The following BEST3 variants were observed in gnomAD, a reference collection of about 807,000 sequenced individuals.
The protein encoded by BEST3 is bestrophin-3.
BEST3 carries 50 observed loss-of-function variants against 47.1 expected under a neutral mutation model. That is an observed-to-expected ratio of 1.06 (90% CI 0.85 to 1.34). BEST3 has a LOEUF of 1.34. Among genes scored for constraint, BEST3 ranks in the 40% most tolerant of loss-of-function variants. The pLI, the probability that BEST3 is intolerant of heterozygous loss-of-function variation, is 0.00. For synonymous variants in BEST3, 282 were observed against 298.8 expected (o/e 0.94, Z 0.58); for missense variants, 765 against 817.0 (o/e 0.94, Z 0.78).
At chr12:69,664,151 G>C (rs1052672583) in intron 9 of BEST3, among the ~76,000 whole-genome samples, 2 of 152,148 alleles carry the variant, frequency 1.3e-5, no homozygotes, top group Non-Finnish European at 2.9e-5. Flanking sequence ...TTTTGAAGCT[G>C]ATTTTTAACA....
In BEST3 at chr12:69,655,390, G is replaced by T. The variant is rs752703473; in HGVS notation, c.1524C>A (p.Ala508=). 1.2e-6 allele frequency: 2 copies of T among 1,613,988 alleles called. No individual in the cohort carries two copies. Among genetic ancestry groups the T allele is most frequent in the African/African-American group, 1.3e-5 (1 of 74,892 alleles). ...CCCCTGATGTGGGCACTGGTGCTTC[G>T]GCTGCTGTGATCAATACCTCAGGTA... is the stretch of plus-strand genomic sequence containing the variant. ...PLVPEVLITA[A]EAPVPTSGGY... is the part of the protein sequence containing the mutation. The change falls in exon 10 of 10, where the codon GCC becomes GCA. Residue 508 remains alanine, a synonymous_variant. Transcript: ENST00000330891.
At chr12:69,690,444 A>G (rs1885875133) in intron 4 of BEST3, among the ~76,000 whole-genome samples, 1 of 152,186 alleles carries the variant, frequency 6.6e-6, no homozygotes, top group African/African-American at 2.4e-5. Flanking sequence ...CCCTATATCT[A>G]CTTGCCCCTC....
intron 4 of BEST3, among the ~76,000 whole-genome samples, chr12:69,686,779 C>CAAAAAAAAAAAAAAAAAAA (rs71094728): frequency 2.0e-5 from 2 of 99,378 alleles, no homozygotes; most frequent in African/African-American, 4.9e-5. Flanking sequence ...CTCAAAAAAA[C>CAAAAAAAAAAAAAAAAAAA]AAAAAAAAAA....
downstream of BEST3, among the ~76,000 whole-genome samples, chr12:69,650,186 AAG>A (rs754362382): frequency 5.3e-5 from 8 of 152,192 alleles, no homozygotes; most frequent in Non-Finnish European, 1.0e-4. Context: ...GGAGGTGATG[AAG>A]AGAGAGAGTT....
At chr12:69,670,658 C>A (rs1389571155) in intron 9 of BEST3, 2 of 656,878 alleles carry the variant, frequency 3.0e-6, no homozygotes, top group Non-Finnish European at 5.6e-6. Context: ...AGGACACAAA[C>A]CCACTGCACA....
At chr12:69,698,295 G>A (rs772296171) in intron 1 of BEST3, among the ~76,000 whole-genome samples, 8 of 152,170 alleles carry the variant, frequency 5.3e-5, no homozygotes, top group Admixed American at 1.3e-4. Flanking sequence ...ATGACAAGTT[G>A]TACATAAATG....
Position 69,654,405 on chromosome 12 carries a change from G to T in BEST3, c.*502C>A, listed in dbSNP as rs4367985. 366,192 of 985,158 alleles carry T rather than the reference G, an allele frequency of 0.37. 70,201 individuals carry two copies. Among genetic ancestry groups the T allele is most frequent in the South Asian group, 0.56 (11,891 of 21,276 alleles). The allele number at this position is 985,158 out of a possible 1,614,324, so 61.0% of individuals were successfully genotyped here. Reference sequence around the variant, plus strand: ...ATAGTTATAAAAGTAGGAATGAGATGGTTAGAAAGCCTCAAACAAAAACGT... The same window carrying T: ...ATAGTTATAAAAGTAGGAATGAGATTGTTAGAAAGCCTCAAACAAAAACGT... On this transcript the variant is annotated 3_prime_UTR_variant, in exon 10 of 10. Transcript: ENST00000330891.
chr12:69,694,336 A>G (rs761005655), intron 3 of BEST3, 34 bp downstream of exon 3: 26 of 1,347,480 alleles, frequency 1.9e-5, no homozygotes, highest in Non-Finnish European at 1.7e-5. Flanking sequence ...GGAGACAGCT[A>G]TGTGGCTGCA....
intron 4 of BEST3, among the ~76,000 whole-genome samples, chr12:69,690,308 C>T (rs1885867365): frequency 6.6e-6 from 1 of 152,086 alleles, no homozygotes; most frequent in South Asian, 2.1e-4. Context: ...CCACATGCCT[C>T]GGAAAGGGAA....
At chr12:69,647,966 G>T (rs955847400) in intron 9 of BEST3, among the ~76,000 whole-genome samples, 5 of 152,220 alleles carry the variant, frequency 3.3e-5, no homozygotes, top group African/African-American at 1.2e-4. Context: ...ATTTTCAGAA[G>T]AAGAGTCCTA....
chr12:69,688,049 A>C (rs1473734759), intron 4 of BEST3, among the ~76,000 whole-genome samples: 1 of 152,190 alleles, frequency 6.6e-6, no homozygotes, highest in Non-Finnish European at 1.5e-5. Context: ...TTTAAGAGGA[A>C]TGTATATAAT....
At chr12:69,695,875 A>T (rs549929977) in intron 2 of BEST3, among the ~76,000 whole-genome samples, 2 of 152,296 alleles carry the variant, frequency 1.3e-5, no homozygotes, top group African/African-American at 4.8e-5. Flanking sequence ...AATGGTTCAT[A>T]TTAATAGTTG....
At chr12:69,686,185 G>GAAA (rs372482477) in intron 4 of BEST3, among the ~76,000 whole-genome samples, 15,255 of 117,530 alleles carry the variant, frequency 0.13, 1,222 homozygotes, top group Non-Finnish European at 0.19. Context: ...AATGGATCAG[G>GAAA]AAAAAAAAAA....
At chr12:69,680,366 T>G (rs1885183285) in intron 4 of BEST3, among the ~76,000 whole-genome samples, 1 of 138,184 alleles carries the variant, frequency 7.2e-6, no homozygotes, top group Admixed American at 7.6e-5. Flanking sequence ...TGGAGTGCAG[T>G]GGCGCGATCT....
chr12:69,679,907 A>G (rs368025035), intron 4 of BEST3, among the ~76,000 whole-genome samples: 2,899 of 106,522 alleles, frequency 0.027, 95 homozygotes, highest in African/African-American at 0.089. Flanking sequence ...GCATGTGTGT[A>G]TGCATGCGTG....
chr12:69,649,470 A>T (rs1883142936), downstream of BEST3, among the ~76,000 whole-genome samples: 1 of 152,230 alleles, frequency 6.6e-6, no homozygotes, highest in African/African-American at 2.4e-5. Flanking sequence ...CAAGGGAGAA[A>T]TGGTAATTAC....
intron 1 of BEST3, 33 bp from the exon 2 acceptor site, chr12:69,697,846 A>C: frequency 6.4e-7 from 1 of 1,555,122 alleles, no homozygotes; most frequent in Non-Finnish European, 8.7e-7. Flanking sequence ...CACAAGTAAA[A>C]AGCAATGTTT....
intron 9 of BEST3, among the ~76,000 whole-genome samples, chr12:69,658,668 G>C (rs17106890): frequency 0.13 from 19,528 of 152,228 alleles, 1,486 homozygotes; most frequent in East Asian, 0.24. Flanking sequence ...GCAAGTTTTT[G>C]AGCTAGGCTT....
chr12:69,679,438 A>C (rs11177789), intron 4 of BEST3, among the ~76,000 whole-genome samples: 16,679 of 152,190 alleles, frequency 0.11, 1,187 homozygotes, highest in Non-Finnish European at 0.17. Context: ...AAGTTCCCAC[A>C]TGGTACTCGC....
Sources: allele counts gnomAD v4.1 joint callset (sites outside exome capture counted in the v4.1 genomes callset), GRCh38; gene constraint gnomAD v4.1.1; transcripts MANE v1.5; gene names NCBI Gene and HGNC (gene_info 2026-07-23, HGNC 2026-07-21).